PDHX: variants seen among roughly 807,000 people sequenced by gnomAD.
The protein encoded by PDHX is pyruvate dehydrogenase complex component X, also known as pyruvate dehydrogenase protein X component, mitochondrial.
In PDHX, 33 loss-of-function variants were observed where a neutral mutation model predicts 55.3. That is an observed-to-expected ratio of 0.60 (90% CI 0.45 to 0.80). PDHX has a LOEUF of 0.80. Ranked by LOEUF, PDHX falls within the 30% of genes least tolerant of loss-of-function variation. The pLI, the probability that PDHX is intolerant of heterozygous loss-of-function variation, is 0.00. For synonymous variants in PDHX, 226 were observed against 219.4 expected, an observed-to-expected ratio of 1.03 and a Z score of -0.27; for missense variants, 622 against 619.9, an observed-to-expected ratio of 1.00 and a Z score of -0.04.
chr11:34,935,260 A>G (rs185560457), intron 2 of PDHX, among the ~76,000 whole-genome samples: 1 of 152,252 alleles, frequency 6.6e-6, no homozygotes, highest in Non-Finnish European at 1.5e-5. Flanking sequence ...GATGAATTGG[A>G]ATGTTGATAT....
chr11:34,971,153 CT>C (rs1253919432), intron 7 of PDHX, among the ~76,000 whole-genome samples: 1 of 151,878 alleles, frequency 6.6e-6, no homozygotes, highest in African/African-American at 2.4e-5. Flanking sequence ...TTTTATATTT[CT>C]TGTTCAGAAT....
chr11:34,949,817 G>C (rs911768918), intron 3 of PDHX, among the ~76,000 whole-genome samples: 3 of 152,082 alleles, frequency 2.0e-5, no homozygotes, highest in Non-Finnish European at 4.4e-5. Flanking sequence ...TTACATTTAT[G>C]TAATGTTTGC....
intron 2 of PDHX, among the ~76,000 whole-genome samples, chr11:34,936,802 T>TTTGGTTTG (rs1176041529): frequency 7.7e-6 from 1 of 129,094 alleles, no homozygotes; most frequent in South Asian, 2.7e-4. Context: ...TTTTTTTTTT[T>TTTGGTTTG]TTTCTGAGAC....
chr11:34,966,563 T>C (rs1855134705), intron 5 of PDHX, 77 bp from the exon 6 acceptor site: 1 of 1,328,220 alleles, frequency 7.5e-7, no homozygotes, highest in Non-Finnish European at 1.1e-6. Context: ...TTTCTCCACA[T>C]CTCACCTGCG....
chr11:34,928,891 T>C (rs938933148), intron 1 of PDHX, among the ~76,000 whole-genome samples: 2 of 152,256 alleles, frequency 1.3e-5, no homozygotes, highest in Admixed American at 1.3e-4. Flanking sequence ...TTTAGTAGTT[T>C]GCATTATTTT....
chr11:34,961,731 T>A (rs1179531294), intron 5 of PDHX, among the ~76,000 whole-genome samples: 2 of 152,230 alleles, frequency 1.3e-5, no homozygotes, highest in Non-Finnish European at 2.9e-5. Context: ...CTTACTAATT[T>A]GTTAACTGAA....
chr11:34,942,461 TTAAG>T (rs924191272), intron 2 of PDHX, among the ~76,000 whole-genome samples: 24 of 152,208 alleles, frequency 1.6e-4, no homozygotes, highest in African/African-American at 4.6e-4. Context: ...GTCAGAGAGA[TTAAG>T]TAACTTGGTC....
intron 8 of PDHX, among the ~76,000 whole-genome samples, chr11:34,980,243 T>G (rs904291625): frequency 2.6e-4 from 39 of 151,614 alleles, no homozygotes; most frequent in African/African-American, 9.4e-4. Flanking sequence ...TATTCTTAGC[T>G]TGTATTGTTT....
chr11:34,989,352 AG>A (rs1171316172), intron 9 of PDHX, among the ~76,000 whole-genome samples: 6 of 152,072 alleles, frequency 3.9e-5, no homozygotes, highest in Non-Finnish European at 7.3e-5. Flanking sequence ...CCTGCAGATA[AG>A]GGGGGACTAC....
intron 3 of PDHX, among the ~76,000 whole-genome samples, chr11:34,950,825 G>A (rs1319210405): frequency 2.6e-5 from 4 of 150,952 alleles, no homozygotes; most frequent in Non-Finnish European, 3.0e-5. Context: ...GAATAGTGCC[G>A]CAGTAAACAT....
Position 34,950,086 on chromosome 11 carries a change from A to G in PDHX, c.342+2480A>G, listed in dbSNP as rs78688816. 3.7e-3 allele frequency among the ~76,000 whole-genome samples: 561 copies of G among 152,200 alleles called. 7 individuals are homozygous for G. The highest frequency in any genetic ancestry group is 0.024 in the Admixed American group (374 of 15,288). ...CAAATACTGTCATTGGTATTTTTCT[A>G]AAGAATACATTTTTAAATATTACTG... On this transcript the variant is annotated intron_variant, in intron 3 of 10. Coordinates refer to ENST00000227868, the MANE Select transcript of PDHX (RefSeq NM_003477.3).
intron 9 of PDHX, 142 bp downstream of exon 9, chr11:34,984,870 CACAT>C: frequency 5.0e-6 from 4 of 798,300 alleles, no homozygotes; most frequent in East Asian, 2.5e-5. Context: ...AAGTGATTGT[CACAT>C]ATATATAGGT....
At chr11:34,978,071 A>T (rs190544277) in intron 7 of PDHX, 53 bp from the exon 8 acceptor site, 2 of 916,914 alleles carry the variant, frequency 2.2e-6, no homozygotes, top group Non-Finnish European at 3.6e-6. Flanking sequence ...GTAATGGTCA[A>T]TGTTAAAGTT....
chr11:34,937,991 C>T (rs1490478320), intron 2 of PDHX, among the ~76,000 whole-genome samples: 2 of 152,182 alleles, frequency 1.3e-5, no homozygotes, highest in Admixed American at 6.5e-5. Context: ...ATCCCAAGAA[C>T]TTCAGTTAAT....
At position 34,916,830 on chromosome 11, in the gene PDHX, C is replaced by T. The variant is rs187304189; in HGVS notation, c.160+15C>T. The T allele has an allele frequency of 1.9e-5, 29 of 1,555,982 alleles. 1 individual carries two copies. In the Middle Eastern group the frequency reaches 6.7e-4, roughly 36 times the overall value. The stretch of plus-strand genomic sequence containing the variant: ...GTGGCTTCGGGGTGAGTGGCCGGGG[C>T]TCGCTCAGCTTCTCTGTGTAGCTGA... On this transcript the variant is annotated intron_variant, in intron 1 of 10. Transcript: ENST00000227868.
At chr11:34,952,303 C>A (rs1054927721) in intron 3 of PDHX, among the ~76,000 whole-genome samples, 6 of 151,906 alleles carry the variant, frequency 3.9e-5, no homozygotes, top group Non-Finnish European at 5.9e-5. Flanking sequence ...CTATTCCAAT[C>A]AATAGAAAAA....
At chr11:34,970,485 C>T (rs1408967677) in intron 7 of PDHX, among the ~76,000 whole-genome samples, 199 bp downstream of exon 7, 2 of 152,104 alleles carry the variant, frequency 1.3e-5, no homozygotes, top group African/African-American at 4.8e-5. Flanking sequence ...TGAATTGGTT[C>T]CACAGTATTA....
At position 34,984,642 on chromosome 11, in the gene PDHX, G is replaced by A. The variant is rs756932261; in HGVS notation, c.1096G>A (p.Ala366Thr). The A allele has an allele frequency of 8.7e-6, 14 of 1,613,826 alleles. No individual in the cohort carries two copies. Among genetic ancestry groups the A allele is most frequent in the Admixed American group, 3.3e-5 (2 of 59,996 alleles). The stretch of plus-strand genomic sequence containing the variant: ...ACTGCCATTTATTGACATTTCAGTG[G>A]CTGTGGCAACAGATAAAGGCTTACT... Reference protein sequence around the residue: ...KQLPFIDISVAVATDKGLLTP... With the variant: ...KQLPFIDISVTVATDKGLLTP... Residue 366 changes from alanine (A) to threonine (T), a missense_variant, in exon 9 of 11, where the codon GCT (alanine) becomes ACT (threonine). By Grantham distance (58) the Ala-to-Thr change is moderately conservative. Transcript: ENST00000227868.
intron 9 of PDHX, among the ~76,000 whole-genome samples, chr11:34,989,123 C>T (rs1417860784): frequency 6.6e-6 from 1 of 152,130 alleles, no homozygotes; most frequent in East Asian, 1.9e-4. Context: ...TACAAACCTG[C>T]AGTACAGCCT....
Sources: gnomAD v4.1 joint callset for allele counts (sites outside exome capture counted in the v4.1 genomes callset) on GRCh38, gnomAD v4.1.1 for gene constraint, MANE v1.5 for transcripts, NCBI Gene and HGNC (gene_info 2026-07-23, HGNC 2026-07-21) for gene names.